The following ATP8A2 variants were observed in gnomAD, a reference collection of about 807,000 sequenced individuals.
ATP8A2 encodes phospholipid-transporting ATPase IB.
A neutral mutation model predicts 165.6 loss-of-function variants in ATP8A2; 100 were observed. The ratio of observed to expected loss-of-function variants is 0.60; its 90% CI spans 0.51 to 0.71. The LOEUF is 0.71. Ranked by LOEUF, ATP8A2 falls within the 30% of genes least tolerant of loss-of-function variation. ATP8A2 has a pLI of 0.00. For synonymous variants in ATP8A2, 543 were observed against 548.8 expected, an observed-to-expected ratio of 0.99 and a Z score of 0.15; for missense variants, 1,227 against 1,479.5, an observed-to-expected ratio of 0.83 and a Z score of 2.80.
At chr13:25,878,005 T>C (rs899058325) in intron 33 of ATP8A2, among the ~76,000 whole-genome samples, 2 of 152,196 alleles carry the variant, frequency 1.3e-5, no homozygotes, top group Non-Finnish European at 1.5e-5. Context: ...GTTTGCTAAA[T>C]GGATTGTAAA....
chr13:25,476,110 A>G (rs183792985), intron 2 of ATP8A2, among the ~76,000 whole-genome samples: 28 of 152,280 alleles, frequency 1.8e-4, no homozygotes, highest in African/African-American at 6.3e-4. Context: ...TTTGTCCATG[A>G]ATAGTGGGGA....
intron 35 of ATP8A2, among the ~76,000 whole-genome samples, chr13:25,984,688 A>G (rs185388481): frequency 3.1e-4 from 47 of 152,334 alleles, no homozygotes; most frequent in African/African-American, 1.1e-3. Context: ...TGAAGGCCAA[A>G]TCATAAGACC....
chr13:25,896,640 G>A (rs185197508), intron 33 of ATP8A2, among the ~76,000 whole-genome samples: 8 of 152,148 alleles, frequency 5.3e-5, no homozygotes, highest in Non-Finnish European at 1.0e-4. Context: ...GGGTGTTAAA[G>A]TCTCCCATTA....
At chr13:25,379,563 A>G (rs531728566) in intron 1 of ATP8A2, among the ~76,000 whole-genome samples, 38 of 152,300 alleles carry the variant, frequency 2.5e-4, no homozygotes, top group African/African-American at 8.4e-4. Flanking sequence ...CATAATGATT[A>G]TCCTTGTTTA....
intron 33 of ATP8A2, chr13:25,927,224 A>T (rs917889377): frequency 4.4e-6 from 2 of 456,730 alleles, no homozygotes; most frequent in East Asian, 6.9e-5. Context: ...CGGCTGCTCC[A>T]CACACTGGAA....
chr13:25,953,692 C>G lies in ATP8A2; in HGVS notation c.3184-7883C>G, dbSNP rs1218753432. On this transcript the variant is annotated intron_variant, in intron 33 of 36. Coordinates refer to ENST00000381655, the MANE Select transcript of ATP8A2 (RefSeq NM_016529.6). This position sits in a 1 kb window ranked among gnomAD's most constrained non-coding sequence, Gnocchi z 6.7. Reference sequence around the variant, plus strand: ...GGGACTGGTTAGATAGTGGGTGCAGCCCACGGAGGGCAAGCCGAAGCAGGG... The same window carrying G: ...GGGACTGGTTAGATAGTGGGTGCAGGCCACGGAGGGCAAGCCGAAGCAGGG... 6.6e-6 allele frequency among the ~76,000 whole-genome samples: 1 copy of G among 152,052 alleles called. No homozygotes were observed. Among genetic ancestry groups the G allele is most frequent in the Non-Finnish European group, 1.5e-5 (1 of 68,010 alleles).
intron 10 of ATP8A2, among the ~76,000 whole-genome samples, chr13:25,546,400 A>G (rs1322442697): frequency 6.6e-6 from 1 of 152,226 alleles, no homozygotes; most frequent in Admixed American, 6.5e-5. Flanking sequence ...AGCTTTCAAA[A>G]GGAATATAAC....
intron 1 of ATP8A2, among the ~76,000 whole-genome samples, chr13:25,393,045 T>C (rs1017866193): frequency 6.6e-6 from 1 of 152,160 alleles, no homozygotes. Flanking sequence ...GATAAGCTTT[T>C]CTTTCCCTGA....
intron 1 of ATP8A2, among the ~76,000 whole-genome samples, chr13:25,391,651 G>C (rs764762950): frequency 5.9e-5 from 9 of 152,162 alleles, no homozygotes; most frequent in Non-Finnish European, 1.2e-4. Flanking sequence ...TATCATAAGA[G>C]GTCAACAAGT....
chr13:25,467,974 A>C (rs1269602752), intron 1 of ATP8A2, among the ~76,000 whole-genome samples: 1 of 152,116 alleles, frequency 6.6e-6, no homozygotes, highest in Non-Finnish European at 1.5e-5. Flanking sequence ...TAGAGTATTA[A>C]TTTTTCTGTG....
intron 2 of ATP8A2, among the ~76,000 whole-genome samples, chr13:25,488,918 A>G (rs1353459123): frequency 7.8e-6 from 1 of 127,406 alleles, no homozygotes; most frequent in East Asian, 2.7e-4. Context: ...TACCATTTGC[A>G]TCTTTCCCTG....
At chr13:25,448,615 C>T (rs2035131397) in intron 1 of ATP8A2, among the ~76,000 whole-genome samples, 1 of 152,158 alleles carries the variant, frequency 6.6e-6, no homozygotes, top group Non-Finnish European at 1.5e-5. Flanking sequence ...ATAGTAGTCT[C>T]ATGAAGACAG....
intron 7 of ATP8A2, among the ~76,000 whole-genome samples, chr13:25,538,349 G>A (rs1332248048): frequency 6.6e-6 from 1 of 152,122 alleles, no homozygotes; most frequent in Non-Finnish European, 1.5e-5. Context: ...AAGAGCAGTG[G>A]AGTGGTCCAT....
rs9578850 is a variant in ATP8A2, at chr13:25,372,396, T to A, written c.76+108T>A. The A allele has an allele frequency of 9.7e-6, 7 of 721,600 alleles. No homozygotes were observed. Among genetic ancestry groups the A allele is most frequent in the African/African-American group, 1.9e-5 (1 of 53,132 alleles). 44.7% of individuals were successfully genotyped at this position (721,600 alleles called of 1,614,324 possible). On this transcript the variant is annotated intron_variant, in intron 1 of 36. Transcript: ENST00000381655. This position sits in a 1 kb window ranked among gnomAD's most constrained non-coding sequence, Gnocchi z 4.8. ...CCCGCCCGCGCCCCGCTCCCCTCCC[T>A]GGGCTCCCTGGGCTCTCTGGGCTGC...
At chr13:25,978,593 A>C (rs1324881370) in intron 35 of ATP8A2, among the ~76,000 whole-genome samples, 3 of 151,954 alleles carry the variant, frequency 2.0e-5, no homozygotes, top group Admixed American at 2.0e-4. Context: ...TTTGTAGTGC[A>C]TCTGAGAGAA....
At chr13:25,560,832 C>T (rs2039124746) in intron 15 of ATP8A2, among the ~76,000 whole-genome samples, 1 of 151,782 alleles carries the variant, frequency 6.6e-6, no homozygotes, top group African/African-American at 2.4e-5. Flanking sequence ...ATTTTCTGTA[C>T]CTCCTTAGGC....
In ATP8A2 at chr13:25,953,784, G is replaced by A. The variant is rs141307546; in HGVS notation, c.3184-7791G>A. 2.5e-3 allele frequency among the ~76,000 whole-genome samples: 381 copies of A among 152,240 alleles called. 2 individuals are homozygous for A. Among genetic ancestry groups the A allele is most frequent in the South Asian group, 7.5e-3 (36 of 4,822 alleles). ...CTCCCTCCCCTAGCCGAGGGAAGCC[G>A]TGAGGGACTGTGCTGTAAGGAACCA... On this transcript the variant is annotated intron_variant, in intron 33 of 36. Coordinates refer to ENST00000381655, the MANE Select transcript of ATP8A2 (RefSeq NM_016529.6). The surrounding 1 kb of genome is among the most constrained non-coding windows in gnomAD (Gnocchi z 6.7).
intron 1 of ATP8A2, among the ~76,000 whole-genome samples, chr13:25,406,515 A>G (rs2033805518): frequency 2.6e-5 from 4 of 152,216 alleles, no homozygotes; most frequent in African/African-American, 9.6e-5. Context: ...CACATGGCCA[A>G]TGCTCTCATA....
Position 25,752,437 on chromosome 13 carries a change from G to A in ATP8A2, c.2385-16609G>A, listed in dbSNP as rs995414176. Among the ~76,000 whole-genome samples, 11 of 152,056 alleles carry A rather than the reference G, an allele frequency of 7.2e-5. No individual in the cohort carries two copies. In the East Asian group the frequency reaches 1.7e-3, roughly 24 times the overall value. On this transcript the variant is annotated intron_variant, in intron 25 of 36. Transcript: ENST00000381655. ...CATACTCTTGCACTCCAGCCGGGGC[G>A]ACAGAGTGAGACTCTGAAAAAAAAG... is the stretch of plus-strand genomic sequence containing the variant.
Sources: gnomAD v4.1 joint callset for allele counts (sites outside exome capture counted in the v4.1 genomes callset) on GRCh38, gnomAD v4.1.1 for gene constraint, Gnocchi (gnomAD v3.1) non-coding constraint, MANE v1.5 for transcripts, NCBI Gene and HGNC (gene_info 2026-07-23, HGNC 2026-07-21) for gene names.